Variants in IFT172 observed in about 807,000 individuals in gnomAD.
The protein encoded by IFT172 is intraflagellar transport 172.
In IFT172, 164 loss-of-function variants were observed where a neutral mutation model predicts 248.9. The observed-to-expected ratio is 0.66, with a 90% CI of 0.58 to 0.75. The LOEUF is 0.75. Among genes scored for constraint, IFT172 ranks in the 30% least tolerant of loss-of-function variants. The pLI is 0.00. For missense variants in IFT172, 1,950 were observed against 2,192.4 expected (o/e 0.89, Z 2.21); for synonymous variants, 729 against 791.6 (o/e 0.92, Z 1.33).
intron 37 of IFT172, 33 bp downstream of exon 37, chr2:27,449,658 G>C (rs1213208419): frequency 6.2e-7 from 1 of 1,609,590 alleles, no homozygotes; most frequent in Admixed American, 1.7e-5. Context: ...AAGTAAAAGA[G>C]AATTTCGCAG....
Position 27,452,596 on chromosome 2 carries a change from G to A in IFT172, c.3951+788C>T, listed in dbSNP as rs554118759. ...TAGTCTACTATACACCTAGGTAGAG[G>A]TTGCGTAGAGCTTATTGCTCCTAGG... On this transcript the variant is annotated intron_variant, in intron 35 of 47. Transcript: ENST00000260570. 7.9e-5 allele frequency among the ~76,000 whole-genome samples: 12 copies of A among 152,302 alleles called. No individual in the cohort carries two copies. In the South Asian group the frequency reaches 2.5e-3, roughly 32 times the overall value.
chr2:27,464,651 G>A (rs750593418), intron 18 of IFT172, among the ~76,000 whole-genome samples: 19 of 151,136 alleles, frequency 1.3e-4, no homozygotes, highest in African/African-American at 1.7e-4. Context: ...ATACGATCTC[G>A]CGCATCAGCC....
In IFT172 at chr2:27,445,483, A is replaced by G; in HGVS notation, c.4915-34T>C. On this transcript the variant is annotated intron_variant, in intron 45 of 47. Coordinates refer to ENST00000260570, the MANE Select transcript of IFT172 (RefSeq NM_015662.3). This position sits in a 1 kb window ranked among gnomAD's most constrained non-coding sequence, Gnocchi z 4.4. ...GACAAGAAGGGAGTGGTAGCTTCAC[A>G]CAGGGCAGGGCAGGACAAGTTGGGG... is the stretch of plus-strand genomic sequence containing the variant. 1 of 1,597,610 alleles carries G rather than the reference A, an allele frequency of 6.3e-7. No individual in the cohort carries two copies. Among genetic ancestry groups the G allele is most frequent in the African/African-American group, 1.3e-5 (1 of 74,778 alleles).
chr2:27,483,995 T>C, intron 4 of IFT172, 58 bp from the exon 5 acceptor site: 1 of 1,501,360 alleles, frequency 6.7e-7, no homozygotes, highest in South Asian at 1.1e-5. Context: ...AGCACTTTTA[T>C]AACAACTTCA....
Position 27,480,106 on chromosome 2 carries a change from C to G in IFT172, c.829G>C (p.Glu277Gln). The G allele has an allele frequency of 1.2e-6, 2 of 1,614,076 alleles. No homozygotes were observed. The highest frequency in any genetic ancestry group is 1.7e-6 in the Non-Finnish European group (2 of 1,179,966). ...TTGGTAATCTCCTTGGGCTTTGCCT[C>G]TTCCCAGATGCTTCTTCGAGGGATC... ...NWIPRRSIWE[E>Q]AKPKEITNLY... The change falls in exon 9 of 48, where the codon GAG becomes CAG. Residue 277 changes from glutamate to glutamine, a missense_variant. Around this residue, in one of 3 missense-constraint regions of IFT172, gnomAD observed 1,166 missense variants for 1,254.1 expected, o/e 0.93. Coordinates refer to ENST00000260570, the MANE Select transcript of IFT172 (RefSeq NM_015662.3).
At chr2:27,461,884 A>G (rs1241957718) in intron 20 of IFT172, 48 bp from the exon 21 acceptor site, 14 of 1,607,388 alleles carry the variant, frequency 8.7e-6, no homozygotes, top group African/African-American at 1.3e-5. Flanking sequence ...AGATATGAGG[A>G]TCAGAAAGCA....
At position 27,454,460 on chromosome 2, in the gene IFT172, C is replaced by T. The variant is rs774035885; in HGVS notation, c.3466-42G>A. 1.1e-5 allele frequency: 18 copies of T among 1,613,908 alleles called. No homozygotes were observed. Among genetic ancestry groups the T allele is most frequent in the Admixed American group, 1.7e-5 (1 of 60,004 alleles). ...GCAGCCGTGCATGATGAGAAGGAGACTGGCATCACAGGCAGGCATGAGACT... is the reference window on the plus strand; with the variant it reads ...GCAGCCGTGCATGATGAGAAGGAGATTGGCATCACAGGCAGGCATGAGACT... On this transcript the variant is annotated intron_variant, in intron 31 of 47. Coordinates refer to ENST00000260570, the MANE Select transcript of IFT172 (RefSeq NM_015662.3). This position sits in a 1 kb window ranked among gnomAD's most constrained non-coding sequence, Gnocchi z 4.2.
In IFT172 at chr2:27,453,678, T is replaced by A; in HGVS notation, c.3773A>T (p.Glu1258Val). ...ICKDYVPSQL[E>V]ALQEEYEREA... ...CCGCTCATATTCTTCCTGCAGAGCC[T>A]CCAGCTGGCTGGGCACATAGTCCTT... The change falls in exon 34 of 48, where the codon GAG (glutamate) becomes GTG (valine). Residue 1258 changes from glutamate (E) to valine (V), a missense_variant. By Grantham distance (121) the Glu-to-Val change is moderately radical (BLOSUM62 -2). Around this residue, in one of 3 missense-constraint regions of IFT172, gnomAD observed 620 missense variants for 699.0 expected, o/e 0.89. Coordinates refer to ENST00000260570, the MANE Select transcript of IFT172 (RefSeq NM_015662.3). 1 of 1,612,554 alleles carries A rather than the reference T, an allele frequency of 6.2e-7. No homozygotes were observed.
intron 1 of IFT172, among the ~76,000 whole-genome samples, chr2:27,488,739 A>C (rs1287218953): frequency 1.3e-5 from 2 of 152,214 alleles, no homozygotes; most frequent in Non-Finnish European, 2.9e-5. Context: ...TTTCAAATGA[A>C]GAAGTTGGTG....
Position 27,453,752 on chromosome 2 carries a change from C to CAA in IFT172, c.3712-14_3712-13insTT. 6.2e-7 allele frequency: 1 copy of CAA among 1,608,732 alleles called. No individual in the cohort carries two copies. Among genetic ancestry groups the CAA allele is most frequent in the Non-Finnish European group, 8.5e-7 (1 of 1,178,210 alleles). On this transcript the variant is annotated splice_polypyrimidine_tract_variant and intron_variant, in intron 33 of 47. Transcript: ENST00000260570. ...ATAATCCAGCCTCCTGCTCAGATTT[C>CAA]CAGGTATCAAGAGGGCAGAGGCAGG...
At chr2:27,467,976 C>T (rs928705600) in intron 16 of IFT172, among the ~76,000 whole-genome samples, 3 of 151,904 alleles carry the variant, frequency 2.0e-5, no homozygotes, top group South Asian at 2.1e-4. Flanking sequence ...CTGGCCAACA[C>T]GGTGAAACTC....
Position 27,461,531 on chromosome 2 carries a change from G to C in IFT172, c.2194-14C>G. On this transcript the variant is annotated splice_polypyrimidine_tract_variant and intron_variant, in intron 21 of 47. Coordinates refer to ENST00000260570, the MANE Select transcript of IFT172 (RefSeq NM_015662.3). ...GGCTGGGTGCCCCTGGACATGCACA[G>C]AGGACAACTAGGAGTCACATCCCCC... 6.2e-7 allele frequency: 1 copy of C among 1,612,780 alleles called. No homozygotes were observed. Among genetic ancestry groups the C allele is most frequent in the Non-Finnish European group, 8.5e-7 (1 of 1,178,926 alleles).
intron 42 of IFT172, among the ~76,000 whole-genome samples, chr2:27,446,949 T>C (rs1449771940): frequency 3.3e-5 from 5 of 151,026 alleles, no homozygotes; most frequent in South Asian, 2.1e-4. Context: ...TCCACCCGCC[T>C]CGGCCTCCCA....
intron 35 of IFT172, 105 bp downstream of exon 35, chr2:27,453,279 A>C (rs774617324): frequency 7.0e-7 from 1 of 1,431,768 alleles, no homozygotes; most frequent in East Asian, 2.3e-5. Flanking sequence ...ACCTGATTGA[A>C]AAGAAAAAGA....
At chr2:27,469,930 C>A (rs1667426037) in intron 16 of IFT172, among the ~76,000 whole-genome samples, 2 of 152,194 alleles carry the variant, frequency 1.3e-5, no homozygotes, top group Non-Finnish European at 2.9e-5. Flanking sequence ...AAGTTAAAGT[C>A]TTGTATTGTT....
intron 14 of IFT172, among the ~76,000 whole-genome samples, chr2:27,474,849 G>A (rs1233215027): frequency 1.3e-5 from 2 of 151,854 alleles, no homozygotes; most frequent in Non-Finnish European, 2.9e-5. Context: ...ACTGTGCCCG[G>A]CCTCAAACTG....
In IFT172 at chr2:27,452,477, G is replaced by A. The variant is rs78707866; in HGVS notation, c.3951+907C>T. ...ATACATGTACACACATATACCTACA[G>A]TCATGCATTGTCTAATGATCAGTAT... On this transcript the variant is annotated intron_variant, in intron 35 of 47. Transcript: ENST00000260570. 1.3e-3 allele frequency among the ~76,000 whole-genome samples: 193 copies of A among 152,226 alleles called. 2 individuals carry two copies. In the East Asian group the frequency reaches 0.03, roughly 24 times the overall value.
At chr2:27,475,086 C>CAGA (rs34026711) in intron 14 of IFT172, among the ~76,000 whole-genome samples, 70,262 of 151,632 alleles carry the variant, frequency 0.46, 17,746 homozygotes, top group African/African-American at 0.67. Flanking sequence ...TAGCAATTCA[C>CAGA]AGAAGAAATA....
At chr2:27,465,964 C>A in intron 16 of IFT172, 82 bp from the exon 17 acceptor site, 1 of 1,523,188 alleles carries the variant, frequency 6.6e-7, no homozygotes, top group South Asian at 1.2e-5. Flanking sequence ...CACCCTCATC[C>A]GACCCAGTCA....
Sources: gnomAD v4.1 joint callset for allele counts (sites outside exome capture counted in the v4.1 genomes callset) on GRCh38, gnomAD v4.1.1 for gene constraint, gnomAD v4.1.1 regional missense constraint, Gnocchi (gnomAD v3.1) non-coding constraint, MANE v1.5 for transcripts, NCBI Gene and HGNC (gene_info 2026-07-23, HGNC 2026-07-21) for gene names.